NFIC: variants seen among roughly 807,000 people sequenced by gnomAD.
NFIC encodes nuclear factor 1 C-type.
A neutral mutation model predicts 54.4 loss-of-function variants in NFIC; 12 were observed. That is an observed-to-expected ratio of 0.22 (90% CI 0.14 to 0.36). The LOEUF (loss-of-function observed/expected upper bound fraction) is 0.36, where lower values mean the gene tolerates loss of function less well. Ranked by LOEUF, NFIC falls within the 10% of genes least tolerant of loss-of-function variation. The pLI, the probability that NFIC is intolerant of heterozygous loss-of-function variation, is 1.00. For missense variants in NFIC, 575 were observed against 718.2 expected, an observed-to-expected ratio of 0.80 and a Z score of 2.28; for synonymous variants, 322 against 319.2, an observed-to-expected ratio of 1.01 and a Z score of -0.09.
chr19:3,407,183 G>A (rs1388578292), intron 2 of NFIC, among the ~76,000 whole-genome samples: 3 of 151,944 alleles, frequency 2.0e-5, no homozygotes, highest in Admixed American at 6.6e-5. Context: ...GTGCGATCTC[G>A]GCTCACTGCA....
upstream of NFIC, among the ~76,000 whole-genome samples, chr19:3,365,509 T>A (rs2080868460): frequency 6.6e-6 from 1 of 152,148 alleles, no homozygotes; most frequent in South Asian, 2.1e-4. Flanking sequence ...TGTCATCAGA[T>A]GCCCTGGGGG....
At chr19:3,385,762 G>A (rs933409110) in intron 2 of NFIC, among the ~76,000 whole-genome samples, 4 of 151,800 alleles carry the variant, frequency 2.6e-5, no homozygotes, top group African/African-American at 9.7e-5. Flanking sequence ...TAATACGGAC[G>A]GGGTTTTGCA....
rs760660533 is a variant in NFIC, at chr19:3,452,610, C to G, written c.1213C>G (p.Pro405Ala). Residue 405 changes from proline (P) to alanine (A), a missense_variant, in exon 8 of 11, where the codon CCG becomes GCG. By Grantham distance (27) the Pro-to-Ala change is conservative. Around this residue, in one of 3 missense-constraint regions of NFIC, gnomAD observed 447 missense variants for 526.9 expected, o/e 0.85. Transcript: ENST00000443272. The surrounding 1 kb of genome is among the most constrained non-coding windows in gnomAD (Gnocchi z 5.3). ...RYPPHLNPQD[P>A]LKDLVSLACD... Reference sequence around the variant, plus strand: ...CCCACCTCATCTCAACCCCCAGGACCCGCTCAAAGATCTTGTCTCGCTGGC... The same window carrying G: ...CCCACCTCATCTCAACCCCCAGGACGCGCTCAAAGATCTTGTCTCGCTGGC... 6.2e-7 allele frequency: 1 copy of G among 1,613,726 alleles called. No individual in the cohort carries two copies. The highest frequency in any genetic ancestry group is 1.7e-5 in the Admixed American group (1 of 59,994).
intron 2 of NFIC, among the ~76,000 whole-genome samples, chr19:3,417,504 C>T (rs1317784725): frequency 6.6e-6 from 1 of 152,046 alleles, no homozygotes; most frequent in Non-Finnish European, 1.5e-5. Flanking sequence ...GGAAGTTAGC[C>T]AGCCTTCGAC....
rs561253953 is a variant in NFIC at position 3,457,062 on chromosome 19, G to T, written c.1509+427G>T. The stretch of plus-strand genomic sequence containing the variant: ...CCACGCCGAGGCCTAGAGGGACCGC[G>T]GGGTGGCCGGGGGAAACTGAGGCAG... On this transcript the variant is annotated intron_variant, in intron 10 of 10. Transcript: ENST00000443272. 5.3e-5 allele frequency among the ~76,000 whole-genome samples: 8 copies of T among 152,298 alleles called. No individual in the cohort carries two copies. The South Asian group carries it at 1.7e-3, about 32-fold the overall frequency.
intron 2 of NFIC, among the ~76,000 whole-genome samples, chr19:3,422,099 G>A (rs557322269): frequency 6.6e-6 from 1 of 152,058 alleles, no homozygotes; most frequent in Non-Finnish European, 1.5e-5. Context: ...ACCATGCCCG[G>A]CTAATTTTGT....
intron 2 of NFIC, among the ~76,000 whole-genome samples, chr19:3,415,134 C>A (rs1293711796): frequency 6.6e-6 from 1 of 151,588 alleles, no homozygotes; most frequent in Non-Finnish European, 1.5e-5. Flanking sequence ...GCCACCGTGC[C>A]CTGCCAAGTG....
At chr19:3,436,605 G>A (rs1418636418) in intron 6 of NFIC, among the ~76,000 whole-genome samples, 1 of 151,634 alleles carries the variant, frequency 6.6e-6, no homozygotes, top group Non-Finnish European at 1.5e-5. Flanking sequence ...CTCCCAAGTA[G>A]CTGGGATTAC....
At chr19:3,455,781 C>T (rs1046488643) in intron 9 of NFIC, among the ~76,000 whole-genome samples, 4 of 152,168 alleles carry the variant, frequency 2.6e-5, no homozygotes, top group Non-Finnish European at 5.9e-5. Flanking sequence ...ACTCAGGGCT[C>T]AACGGGATTA....
Position 3,452,120 on chromosome 19 carries a change from AAAAG to A in NFIC, c.1085-360_1085-357del, listed in dbSNP as rs1366892184. ...CTGTCTCAAAAAAAAAAAAAAAAAA[AAAAG>A]ACCAGGCTCAGTGGGTTACACCTGT... On this transcript the variant is annotated intron_variant, in intron 7 of 10. Transcript: ENST00000443272. The surrounding 1 kb of genome is among the most constrained non-coding windows in gnomAD (Gnocchi z 5.3). Among the ~76,000 whole-genome samples, 18 of 151,460 alleles carry A rather than the reference AAAAG, an allele frequency of 1.2e-4. No individual in the cohort carries two copies. The highest frequency in any genetic ancestry group is 4.1e-4 in the African/African-American group (17 of 41,176).
intron 1 of NFIC, among the ~76,000 whole-genome samples, chr19:3,380,222 T>G (rs1447173204): frequency 6.7e-6 from 1 of 150,022 alleles, no homozygotes; most frequent in Admixed American, 6.7e-5. Flanking sequence ...GCCAGGATGG[T>G]CTCAATCTCC....
chr19:3,368,913 C>CGTGTG (rs779542863), intron 1 of NFIC, among the ~76,000 whole-genome samples: 3 of 146,958 alleles, frequency 2.0e-5, no homozygotes, highest in African/African-American at 7.7e-5. Context: ...TGCTCTGACT[C>CGTGTG]TGTGTGTGTG....
chr19:3,385,440 C>G (rs974020156), intron 2 of NFIC, among the ~76,000 whole-genome samples: 3 of 152,078 alleles, frequency 2.0e-5, no homozygotes, highest in Admixed American at 2.0e-4. Context: ...CACAAGGCAT[C>G]GTGAAGACCA....
At position 3,467,788 on chromosome 19, in the gene NFIC, T is replaced by TACATATATATATATATATATATAA. The variant is rs566623409; in HGVS notation, c.*5020_*5021insCATATATATATATATATATATAAA. ...ATATATATATATATATATATATATA[T>TACATATATATATATATATATATAA]AATTTTGGAATTTGTTTCTCATAAT... On this transcript the variant is annotated 3_prime_UTR_variant, in exon 11 of 11. Transcript: ENST00000443272. 506 of 136,792 alleles carry TACATATATATATATATATATATAA rather than the reference T, an allele frequency of 3.7e-3. 15 individuals carry two copies. In the South Asian group the frequency reaches 0.042, roughly 11 times the overall value. 8.5% of individuals were successfully genotyped at this position (136,792 alleles called of 1,614,324 possible). A position where few individuals can be genotyped will look rare whatever the true frequency, so the allele number is the denominator to read the frequency against.
chr19:3,394,029 A>G (rs1285054528), intron 2 of NFIC, among the ~76,000 whole-genome samples: 2 of 150,608 alleles, frequency 1.3e-5, no homozygotes, highest in Non-Finnish European at 3.0e-5. Flanking sequence ...TGCAACCTCC[A>G]CCTCCTGGGT....
upstream of NFIC, among the ~76,000 whole-genome samples, chr19:3,363,099 G>A (rs991952855): frequency 1.1e-4 from 17 of 151,810 alleles, no homozygotes; most frequent in African/African-American, 2.9e-4. Context: ...ACCATCTATA[G>A]TTGGAGCATT....
rs1321251246 is a variant in NFIC at position 3,433,667 on chromosome 19, C to A, written c.709+75C>A. On this transcript the variant is annotated intron_variant, in intron 4 of 10. Transcript: ENST00000443272. ...CGCAGGGAGGAAGGAGCCCACCCCC[C>A]TCACCCTACTCCTTGTCCTTTCCAG... 9.5e-6 allele frequency: 14 copies of A among 1,473,748 alleles called. No homozygotes were observed. The East Asian group carries it at 2.4e-4, about 25-fold the overall frequency. 91.3% of individuals were successfully genotyped at this position (1,473,748 alleles called of 1,614,324 possible).
rs201778695 is a variant in NFIC at position 3,419,813 on chromosome 19, A to T, written c.563-5293A>T. Among the ~76,000 whole-genome samples the T allele has an allele frequency of 9.8e-4, 143 of 145,834 alleles. 3 individuals carry two copies. The highest frequency in any genetic ancestry group is 4.0e-4 in the East Asian group (2 of 5,044). The stretch of plus-strand genomic sequence containing the variant: ...TACTCTGTTCCAAAAAAAAAAAAAA[A>T]TTTAATTTAATTAAAAAACACATAA... On this transcript the variant is annotated intron_variant, in intron 2 of 10. Transcript: ENST00000443272.
intron 2 of NFIC, among the ~76,000 whole-genome samples, chr19:3,384,923 C>T (rs1256974918): frequency 3.9e-5 from 6 of 152,060 alleles, no homozygotes; most frequent in Admixed American, 1.3e-4. Flanking sequence ...CTTCCTCGCC[C>T]GGGGCCCCGC....
Sources: gnomAD v4.1 joint callset for allele counts (sites outside exome capture counted in the v4.1 genomes callset) on GRCh38, gnomAD v4.1.1 for gene constraint, gnomAD v4.1.1 regional missense constraint, Gnocchi (gnomAD v3.1) non-coding constraint, MANE v1.5 for transcripts, NCBI Gene and HGNC (gene_info 2026-07-23, HGNC 2026-07-21) for gene names.